Variants in ZFP64 observed in about 807,000 individuals in gnomAD.
The protein encoded by ZFP64 is zinc finger protein 64.
Under a neutral mutation model 51.6 loss-of-function variants are expected in ZFP64, and 14 were observed. The observed-to-expected ratio is 0.27, with a 90% CI of 0.18 to 0.42. ZFP64 has a LOEUF of 0.42. Ranked by LOEUF, ZFP64 falls within the 10% of genes least tolerant of loss-of-function variation. ZFP64 has a pLI of 1.00. For synonymous variants in ZFP64, 375 were observed against 361.4 expected, an observed-to-expected ratio of 1.04 and a Z score of -0.43; for missense variants, 754 against 906.8, an observed-to-expected ratio of 0.83 and a Z score of 2.16.
At chr20:52,169,509 C>T (rs1307278355) in intron 2 of ZFP64, among the ~76,000 whole-genome samples, 2 of 152,132 alleles carry the variant, frequency 1.3e-5, no homozygotes, top group African/African-American at 2.4e-5. Context: ...GCGGGCTCCT[C>T]AGCACTCTCT....
rs1451393977 is a variant in ZFP64 at position 52,152,646 on chromosome 20, C to T, written c.1546G>A (p.Ala516Thr). The T allele has an allele frequency of 1.3e-6, 2 of 1,532,718 alleles. No homozygotes were observed. The highest frequency in any genetic ancestry group is 2.7e-5 in the African/African-American group (2 of 72,784). The allele number at this position is 1,532,718 out of a possible 1,614,324, so 94.9% of individuals were successfully genotyped here. Reference protein sequence around the residue: ...PQANTIVQAAAAAVNIVPPAL... With the variant: ...PQANTIVQAATAAVNIVPPAL... The stretch of plus-strand genomic sequence containing the variant: ...GGCGGGACGATGTTCACTGCAGCGG[C>T]GGCAGCCTGGACGATGGTGTTCGCC... The change falls in exon 6 of 6, where the codon GCC becomes ACC. Residue 516 changes from alanine to threonine, a missense_variant. Coordinates refer to ENST00000216923, the MANE Select transcript of ZFP64 (RefSeq NM_018197.3).
chr20:52,119,778 C>T (rs1383127776), intron 5 of ZFP64, among the ~76,000 whole-genome samples: 1 of 151,598 alleles, frequency 6.6e-6, no homozygotes, highest in African/African-American at 2.4e-5. Flanking sequence ...TCCCCACTCA[C>T]TACAAAGACC....
At chr20:52,174,214 G>A (rs988302897) in intron 2 of ZFP64, among the ~76,000 whole-genome samples, 13 of 150,738 alleles carry the variant, frequency 8.6e-5, no homozygotes, top group South Asian at 2.1e-4. Context: ...GGCCGGGAGC[G>A]GTGGCTCACG....
chr20:52,191,595 C>A lies in ZFP64; in HGVS notation c.42G>T (p.Val14=). ...TGCTCCCGGAAAAGCACTTACTTTGCACCGAGCCCGCGAAGCTCTCGCCCT... is the reference window on the plus strand; with the variant it reads ...TGCTCCCGGAAAAGCACTTACTTTGAACCGAGCCCGCGAAGCTCTCGCCCT... ...SSEGESFAGS[V]QIPGGTTVLV... Residue 14 remains valine (V), a synonymous_variant, in exon 1 of 6, where the codon GTG becomes GTT. Coordinates refer to ENST00000216923, the MANE Select transcript of ZFP64 (RefSeq NM_018197.3). The surrounding 1 kb of genome is among the most constrained non-coding windows in gnomAD (Gnocchi z 4.3). 8 of 1,589,174 alleles carry A rather than the reference C, an allele frequency of 5.0e-6. No homozygotes were observed. The highest frequency in any genetic ancestry group is 2.3e-5 in the East Asian group (1 of 42,900).
rs1555880742 is a variant in ZFP64 at position 52,108,905 on chromosome 20, A to AC, written c.764-10319_764-10318insG. On this transcript the variant is annotated intron_variant, in intron 5 of 8. Coordinates refer to the ZFP64 transcript ENST00000361387. ...ACACACACACACACACACACACACA[A>AC]ACTTACAGGGTCTACAGATATAAAT... Among the ~76,000 whole-genome samples, 22 of 111,754 alleles carry AC rather than the reference A, an allele frequency of 2.0e-4. No homozygotes were observed. In the South Asian group the frequency reaches 2.6e-3, roughly 13 times the overall value. 73.3% of individuals were successfully genotyped at this position (111,754 alleles called of 152,430 possible).
chr20:52,153,189 G>A lies in ZFP64; in HGVS notation c.1003C>T (p.Arg335Cys), dbSNP rs763270457. The A allele has an allele frequency of 6.2e-7, 1 of 1,614,204 alleles. No individual in the cohort carries two copies. Reference sequence around the variant, plus strand: ...TCAGGATGCTCCGACTGGTGCACGCGGCTGTGCTTCCGGAGGGTGGCTTTG... The same window carrying A: ...TCAGGATGCTCCGACTGGTGCACGCAGCTGTGCTTCCGGAGGGTGGCTTTG... Reference protein sequence around the residue: ...DSKATLRKHSRVHQSEHPEKC... With the variant: ...DSKATLRKHSCVHQSEHPEKC... The change falls in exon 6 of 6, where the codon CGC (arginine) becomes TGC (cysteine). Residue 335 changes from arginine to cysteine, a missense_variant. By Grantham distance (180) the Arg-to-Cys change is radical. Around this residue, in one of 3 missense-constraint regions of ZFP64, gnomAD observed 428 missense variants for 472.4 expected, o/e 0.91. Transcript: ENST00000216923. The surrounding 1 kb of genome is among the most constrained non-coding windows in gnomAD (Gnocchi z 5.1).
At chr20:52,124,964 C>T (rs1483163927) in intron 5 of ZFP64, among the ~76,000 whole-genome samples, 7 of 152,120 alleles carry the variant, frequency 4.6e-5, no homozygotes, top group Non-Finnish European at 8.8e-5. Context: ...AGTCCTGAAG[C>T]ACATGCAGCT....
At chr20:52,127,389 C>T (rs888749622) in intron 5 of ZFP64, among the ~76,000 whole-genome samples, 5 of 151,900 alleles carry the variant, frequency 3.3e-5, no homozygotes, top group Admixed American at 6.6e-5. Context: ...TCCCATAATC[C>T]CCACGTGTCA....
At chr20:52,187,647 A>G (rs937982162) in intron 1 of ZFP64, among the ~76,000 whole-genome samples, 3 of 151,806 alleles carry the variant, frequency 2.0e-5, no homozygotes, top group Admixed American at 1.3e-4. Flanking sequence ...TTTTTTTTTC[A>G]GAAAATTATG....
chr20:52,087,319 C>T (rs951418244), intron 8 of ZFP64, among the ~76,000 whole-genome samples: 2 of 152,194 alleles, frequency 1.3e-5, no homozygotes, highest in African/African-American at 4.8e-5. Context: ...AGAAACCAGA[C>T]TTCAGGACTG....
At chr20:52,084,597 C>T in exon 9 of ZFP64, 1 of 1,614,030 alleles carries the variant, frequency 6.2e-7, no homozygotes, top group African/African-American at 1.3e-5. Flanking sequence ...CTCGAGCTGC[C>T]CCACGGAGAC....
chr20:52,097,375 G>A lies in ZFP64; in HGVS notation c.974C>T (p.Thr325Met), dbSNP rs1212944525. Residue 325 changes from threonine to methionine, a missense_variant and splice_region_variant, in exon 7 of 9, where the codon ACG becomes ATG. Physicochemically the swap from Thr to Met is moderately conservative, Grantham distance 81. Coordinates refer to the ZFP64 transcript ENST00000361387. ...TGTTGAACAGAATGGATACCTACCC[G>A]TGTGGATTCTGAGATGGCGGTCCAA... 18 of 1,612,816 alleles carry A rather than the reference G, an allele frequency of 1.1e-5. No homozygotes were observed. The highest frequency in any genetic ancestry group is 3.4e-5 in the Admixed American group (2 of 59,660).
rs181499299 is a variant in ZFP64, at chr20:52,164,476, T to C, written c.511+219A>G. Among the ~76,000 whole-genome samples, 462 of 152,298 alleles carry C rather than the reference T, an allele frequency of 3.0e-3. 2 individuals carry two copies. In the South Asian group the frequency reaches 0.034, roughly 11 times the overall value. On this transcript the variant is annotated intron_variant, in intron 4 of 5. Transcript: ENST00000216923. ...CAGTTCACATTCCCACTTAGCTAAG[T>C]TTGCTCACATCCTCTCCAGAGCTGG... is the stretch of plus-strand genomic sequence containing the variant.
At chr20:52,167,929 T>C (rs560230058) in intron 2 of ZFP64, among the ~76,000 whole-genome samples, 30 of 152,354 alleles carry the variant, frequency 2.0e-4, no homozygotes, top group Non-Finnish European at 4.1e-4. Context: ...TTTCTTTGAA[T>C]CTAAGATGTT....
At chr20:52,189,915 T>G (rs971564962) in intron 1 of ZFP64, among the ~76,000 whole-genome samples, 3 of 152,198 alleles carry the variant, frequency 2.0e-5, no homozygotes, top group African/African-American at 7.2e-5. Flanking sequence ...TTACATAATT[T>G]CCAATTTTTC....
rs1048996911 is a variant in ZFP64 at position 52,171,104 on chromosome 20, G to T, written c.287-5079C>A. Among the ~76,000 whole-genome samples, 7 of 152,310 alleles carry T rather than the reference G, an allele frequency of 4.6e-5. No homozygotes were observed. The East Asian group carries it at 1.4e-3, about 29-fold the overall frequency. ...ATTCAATAGCAACAAAGGGGCATTGGGTGCTGAAGACTCTCATCCAGATGG... is the reference window on the plus strand; with the variant it reads ...ATTCAATAGCAACAAAGGGGCATTGTGTGCTGAAGACTCTCATCCAGATGG... On this transcript the variant is annotated intron_variant, in intron 2 of 5. Coordinates refer to ENST00000216923, the MANE Select transcript of ZFP64 (RefSeq NM_018197.3).
At chr20:52,142,392 A>ACGCGCG (rs780133845) in intron 5 of ZFP64, among the ~76,000 whole-genome samples, 5 of 108,414 alleles carry the variant, frequency 4.6e-5, no homozygotes, top group Admixed American at 3.0e-4. Context: ...ACACACACAC[A>ACGCGCG]CACACACACA....
chr20:52,105,463 C>T, intron 5 of ZFP64: 2 of 832,088 alleles, frequency 2.4e-6, no homozygotes. Flanking sequence ...CAGCCCGCGC[C>T]ACCTGGGAGC....
chr20:52,108,079 T>G (rs1978357540), intron 5 of ZFP64, among the ~76,000 whole-genome samples: 1 of 152,030 alleles, frequency 6.6e-6, no homozygotes, highest in African/African-American at 2.4e-5. Flanking sequence ...TATACAAAAA[T>G]TAGCTGGGCG....
Sources: allele counts gnomAD v4.1 joint callset (sites outside exome capture counted in the v4.1 genomes callset), GRCh38; gene constraint gnomAD v4.1.1; regional missense constraint gnomAD v4.1.1; non-coding constraint Gnocchi (gnomAD v3.1); transcripts MANE v1.5; gene names NCBI Gene and HGNC (gene_info 2026-07-23, HGNC 2026-07-21).